The following ASCC3 variants were observed in gnomAD, a reference collection of about 807,000 sequenced individuals.
The protein encoded by ASCC3 is activating signal cointegrator 1 complex subunit 3, also known as ASC-1 complex subunit P200.
Under a neutral mutation model 256.3 loss-of-function variants are expected in ASCC3, and 158 were observed. The ratio of observed to expected loss-of-function variants is 0.62; its 90% CI spans 0.54 to 0.70. The LOEUF is 0.70. Ranked by LOEUF, ASCC3 falls within the 30% of genes least tolerant of loss-of-function variation. The pLI is 0.00. For synonymous variants in ASCC3, 948 were observed against 883.4 expected (o/e 1.07, Z -1.30); for missense variants, 2,259 against 2,626.0 (o/e 0.86, Z 3.05).
At chr6:100,646,162 T>G (rs1775369905) in intron 22 of ASCC3, among the ~76,000 whole-genome samples, 1 of 152,078 alleles carries the variant, frequency 6.6e-6, no homozygotes, top group Non-Finnish European at 1.5e-5. Flanking sequence ...TAGCAAAATC[T>G]CTATGGAGTT....
chr6:100,697,032 T>C (rs1778118323), intron 13 of ASCC3, among the ~76,000 whole-genome samples: 1 of 152,112 alleles, frequency 6.6e-6, no homozygotes, highest in African/African-American at 2.4e-5. Flanking sequence ...TGATCTATGT[T>C]GAATCTTTCA....
intron 3 of ASCC3, among the ~76,000 whole-genome samples, chr6:100,863,603 T>C (rs1047176920): frequency 6.6e-6 from 1 of 152,162 alleles, no homozygotes; most frequent in Non-Finnish European, 1.5e-5. Flanking sequence ...AGCTCGCTGA[T>C]AGATACGGAC....
chr6:100,875,621 G>C (rs570646276), intron 1 of ASCC3, among the ~76,000 whole-genome samples: 7 of 152,038 alleles, frequency 4.6e-5, no homozygotes. Context: ...ACCCCTAAAG[G>C]CCTCTTGGAA....
At chr6:100,773,609 A>T (rs1782041149) in intron 8 of ASCC3, among the ~76,000 whole-genome samples, 1 of 152,160 alleles carries the variant, frequency 6.6e-6, no homozygotes, top group Non-Finnish European at 1.5e-5. Flanking sequence ...TATTATTATT[A>T]TGACCCTTAA....
intron 36 of ASCC3, among the ~76,000 whole-genome samples, chr6:100,547,319 T>C (rs553051777): frequency 6.6e-6 from 1 of 151,808 alleles, no homozygotes; most frequent in Non-Finnish European, 1.5e-5. Flanking sequence ...TAGGAAAAAA[T>C]TTATTTGATG....
intron 1 of ASCC3, among the ~76,000 whole-genome samples, chr6:100,879,026 T>C (rs1197483616): frequency 1.3e-5 from 2 of 152,222 alleles, no homozygotes; most frequent in Non-Finnish European, 2.9e-5. Context: ...CAGCTATAAA[T>C]TGGGGATTAC....
intron 11 of ASCC3, among the ~76,000 whole-genome samples, chr6:100,723,903 AT>A (rs1779487543): frequency 1.7e-5 from 2 of 115,050 alleles, no homozygotes; most frequent in African/African-American, 6.4e-5. Context: ...TATATTTATA[AT>A]TATATATATG....
chr6:100,519,937 T>G (rs1269292067), intron 37 of ASCC3, among the ~76,000 whole-genome samples: 1 of 152,134 alleles, frequency 6.6e-6, no homozygotes, highest in Non-Finnish European at 1.5e-5. Context: ...ATTATTTATC[T>G]TGTTTAAATT....
chr6:100,835,132 T>C (rs1322978542), intron 4 of ASCC3, among the ~76,000 whole-genome samples: 2 of 151,504 alleles, frequency 1.3e-5, no homozygotes, highest in African/African-American at 4.8e-5. Context: ...AGAAAACCCA[T>C]ACATTTCCTC....
intron 3 of ASCC3, chr6:100,859,311 C>A (rs1773112168): frequency 1.3e-6 from 1 of 763,416 alleles, no homozygotes; most frequent in South Asian, 1.4e-5. Context: ...CTGATATAGT[C>A]AAACAAATTT....
chr6:100,509,748 C>T (rs183361340), intron 41 of ASCC3, among the ~76,000 whole-genome samples, 184 bp downstream of exon 41: 2,360 of 152,066 alleles, frequency 0.016, 61 homozygotes, highest in African/African-American at 0.054. Context: ...ATTAGCCGGG[C>T]GCAGTGGCGG....
At chr6:100,741,270 C>T (rs1393293811) in intron 10 of ASCC3, among the ~76,000 whole-genome samples, 1 of 152,166 alleles carries the variant, frequency 6.6e-6, no homozygotes, top group Non-Finnish European at 1.5e-5. Context: ...TGATGGGCTT[C>T]CCTTTGTAGG....
chr6:100,814,725 G>A (rs1038785476), intron 4 of ASCC3, among the ~76,000 whole-genome samples: 5 of 152,252 alleles, frequency 3.3e-5, no homozygotes, highest in Middle Eastern at 3.4e-3. Flanking sequence ...TAGTTTATGT[G>A]CACAGAGGTG....
intron 16 of ASCC3, 122 bp from the exon 17 acceptor site, chr6:100,655,940 G>GT (rs1333316526): frequency 6.1e-6 from 7 of 1,151,064 alleles, no homozygotes; most frequent in African/African-American, 1.5e-5. Flanking sequence ...TTTTAAAAAG[G>GT]TAGGCATAGT....
At chr6:100,534,018 C>T (rs1412919592) in intron 37 of ASCC3, among the ~76,000 whole-genome samples, 2 of 152,074 alleles carry the variant, frequency 1.3e-5, no homozygotes, top group East Asian at 3.9e-4. Flanking sequence ...CGTGGTGGCT[C>T]ACGCCTGTAG....
At chr6:100,512,615 TGACAC>T (rs1773822065) in intron 40 of ASCC3, 89 bp downstream of exon 40, 1 of 1,289,826 alleles carries the variant, frequency 7.8e-7, no homozygotes, top group Non-Finnish European at 1.1e-6. Flanking sequence ...GATTCATGAA[TGACAC>T]GGGCACATTA....
intron 36 of ASCC3, among the ~76,000 whole-genome samples, chr6:100,561,128 G>C (rs183581): frequency 9.3e-6 from 1 of 107,178 alleles, no homozygotes; most frequent in Non-Finnish European, 2.1e-5. Context: ...TCTCCAAAAA[G>C]AAAAAAAAAA....
At chr6:100,544,010 T>C (rs1221448817) in intron 36 of ASCC3, among the ~76,000 whole-genome samples, 4 of 152,038 alleles carry the variant, frequency 2.6e-5, no homozygotes, top group African/African-American at 4.8e-5. Context: ...GAGAAACCAA[T>C]GACAGACAGA....
At chr6:100,855,604 G>A (rs1257025930) in intron 3 of ASCC3, among the ~76,000 whole-genome samples, 1 of 152,098 alleles carries the variant, frequency 6.6e-6, no homozygotes, top group Non-Finnish European at 1.5e-5. Context: ...ACAATATAAT[G>A]CTGTCCAATG....
Sources: allele counts gnomAD v4.1 joint callset (sites outside exome capture counted in the v4.1 genomes callset), GRCh38; gene constraint gnomAD v4.1.1; transcripts MANE v1.5; gene names NCBI Gene and HGNC (gene_info 2026-07-23, HGNC 2026-07-21).